Variants in USP47 observed in about 807,000 individuals in gnomAD.
USP47 encodes ubiquitin specific peptidase 47, also known as ubiquitin carboxyl-terminal hydrolase 47.
Under a neutral mutation model 165.1 loss-of-function variants are expected in USP47, and 35 were observed. That is an observed-to-expected ratio of 0.21 (90% CI 0.16 to 0.28). The LOEUF (loss-of-function observed/expected upper bound fraction) is 0.28. Among genes scored for constraint, USP47 ranks in the 10% least tolerant of loss-of-function variants. The probability of loss-of-function intolerance (pLI) is 1.00; values close to 1 mark genes in which losing one functional copy is unlikely to be tolerated. For synonymous variants in USP47, 531 were observed against 544.5 expected (o/e 0.98, Z 0.35); for missense variants, 1,277 against 1,607.4 (o/e 0.79, Z 3.52).
At chr11:11,948,746 G>A in intron 22 of USP47, 188 bp downstream of exon 22, 1 of 514,760 alleles carries the variant, frequency 1.9e-6, no homozygotes, top group East Asian at 3.0e-5. Flanking sequence ...AGCACAAGGA[G>A]CCATAGACAA....
chr11:11,930,584 A>G lies in USP47; in HGVS notation c.1596-112A>G, dbSNP rs778475535. On this transcript the variant is annotated intron_variant, in intron 13 of 27. Transcript: ENST00000527733. ...TCTCAGTGTGTCTGTGAACAGTGAC[A>G]TGATTTTCTAATTGTTTTTTAAAAA... The G allele has an allele frequency of 3.4e-4, 274 of 817,146 alleles. 1 individual carries two copies. The highest frequency in any genetic ancestry group is 4.8e-4 in the Non-Finnish European group (246 of 514,274). The allele number at this position is 817,146 out of a possible 1,614,324, so 50.6% of individuals were successfully genotyped here. A position where few individuals can be genotyped will look rare whatever the true frequency, so the allele number is the denominator to read the frequency against.
chr11:11,912,923 G>T (rs371364573), intron 8 of USP47, among the ~76,000 whole-genome samples: 1 of 151,944 alleles, frequency 6.6e-6, no homozygotes, highest in Non-Finnish European at 1.5e-5. Context: ...TGATCATATC[G>T]ATTTAGAAAA....
In USP47 at chr11:11,933,853, C is replaced by T; in HGVS notation, c.1787C>T (p.Pro596Leu). 6.2e-7 allele frequency: 1 copy of T among 1,608,216 alleles called. No homozygotes were observed. Among genetic ancestry groups the T allele is most frequent in the Non-Finnish European group, 8.5e-7 (1 of 1,176,024 alleles). Residue 596 changes from proline (P) to leucine (L), a missense_variant, in exon 16 of 28, where the codon CCT (proline) becomes CTT (leucine). Physicochemically the swap from Pro to Leu is moderately conservative, Grantham distance 98 (BLOSUM62 -3). Transcript: ENST00000527733. Reference protein sequence around the residue: ...TCKIKLFCLHPTKQVMMENKL... With the variant: ...TCKIKLFCLHLTKQVMMENKL... ...TAGATAAAATTATTCTGTTTGCATC[C>T]TACAAAACAAGTAATGATGGAAAAT... is the stretch of plus-strand genomic sequence containing the variant.
chr11:11,950,481 T>A lies in USP47; in HGVS notation c.3582T>A (p.Asp1194Glu). 1.9e-6 allele frequency: 3 copies of A among 1,588,944 alleles called. No individual in the cohort carries two copies. The highest frequency in any genetic ancestry group is 2.6e-6 in the Non-Finnish European group (3 of 1,164,488). The change falls in exon 24 of 28, where the codon GAT (aspartate) becomes GAA (glutamate). Residue 1194 changes from aspartate to glutamate, a missense_variant and splice_region_variant. By Grantham distance (45) the Asp-to-Glu change is conservative (BLOSUM62 2). Transcript: ENST00000527733. ...GGGAGGTTTTCCTTGAAGTTCTTGATGGTATTTTCAATATTTTTGGGGGGA... is the reference window on the plus strand; with the variant it reads ...GGGAGGTTTTCCTTGAAGTTCTTGAAGGTATTTTCAATATTTTTGGGGGGA... The part of the protein sequence containing the change: ...SNWEVFLEVL[D>E]GVEKMKSMSQ...
intron 3 of USP47, among the ~76,000 whole-genome samples, chr11:11,888,433 C>T (rs1206973668): frequency 6.6e-6 from 1 of 152,084 alleles, no homozygotes; most frequent in Non-Finnish European, 1.5e-5. Context: ...CTATAAACAT[C>T]TCTGTGCACA....
chr11:11,946,047 CAT>C (rs1855815524), intron 20 of USP47, among the ~76,000 whole-genome samples: 1 of 151,864 alleles, frequency 6.6e-6, no homozygotes, highest in South Asian at 2.1e-4. Flanking sequence ...TCTGTGAAGA[CAT>C]AGACTCTTCA....
intron 1 of USP47, among the ~76,000 whole-genome samples, chr11:11,878,133 T>C (rs1235261935): frequency 6.6e-6 from 1 of 152,106 alleles, no homozygotes; most frequent in Non-Finnish European, 1.5e-5. Flanking sequence ...AGGAGAGGCA[T>C]CTGGGGTGCT....
chr11:11,853,443 G>C (rs1320147396), intron 1 of USP47, among the ~76,000 whole-genome samples: 1 of 152,148 alleles, frequency 6.6e-6, no homozygotes, highest in Non-Finnish European at 1.5e-5. Context: ...GATTGTGCTT[G>C]GCAGTGATGG....
At chr11:11,905,587 C>T in intron 8 of USP47, 39 bp downstream of exon 8, 2 of 1,566,908 alleles carry the variant, frequency 1.3e-6, no homozygotes, top group Non-Finnish European at 1.7e-6. Context: ...TATCCTTACA[C>T]AGAATACATA....
rs1456094206 is a variant in USP47 at position 11,960,823 on chromosome 11, G to A, written c.*4648G>A. On this transcript the variant is annotated 3_prime_UTR_variant, in exon 28 of 28. Coordinates refer to ENST00000527733, the MANE Select transcript of USP47 (RefSeq NM_001282659.2). ...GTTGAATTGCATTTCTTGAGTATCT[G>A]GAGAGGATGTGCAGACCACAGGAAT... Among the ~76,000 whole-genome samples the A allele has an allele frequency of 1.3e-5, 2 of 152,158 alleles. No individual in the cohort carries two copies. The highest frequency in any genetic ancestry group is 4.8e-5 in the African/African-American group (2 of 41,418).
chr11:11,889,679 AT>A (rs1404115350), intron 3 of USP47, among the ~76,000 whole-genome samples: 1 of 152,192 alleles, frequency 6.6e-6, no homozygotes, highest in Non-Finnish European at 1.5e-5. Flanking sequence ...TACCATTGAC[AT>A]TCTTCACATA....
At chr11:11,929,930 A>T (rs1000795325) in intron 12 of USP47, 114 bp from the exon 13 acceptor site, 5 of 842,668 alleles carry the variant, frequency 5.9e-6, no homozygotes, top group Non-Finnish European at 9.5e-6. Context: ...TGTGTGAGCA[A>T]TCATGAAGGT....
At chr11:11,911,254 T>G (rs1406116059) in intron 8 of USP47, among the ~76,000 whole-genome samples, 1 of 152,152 alleles carries the variant, frequency 6.6e-6, no homozygotes. Flanking sequence ...GGTTTAGCAC[T>G]GTGTCATTGG....
chr11:11,936,383 G>A lies in USP47; in HGVS notation c.1950G>A (p.Arg650=). ...KYDEFHDYLE[R]SYEGEEDTPM... Reference sequence around the variant, plus strand: ...ATGAGTTTCATGATTATCTAGAACGGTCATATGAAGGAGAAGAAGATACAC... The same window carrying A: ...ATGAGTTTCATGATTATCTAGAACGATCATATGAAGGAGAAGAAGATACAC... Residue 650 remains arginine, a synonymous_variant, in exon 17 of 28, where the codon CGG becomes CGA. Transcript: ENST00000527733. 1 of 1,610,268 alleles carries A rather than the reference G, an allele frequency of 6.2e-7. No individual in the cohort carries two copies. The highest frequency in any genetic ancestry group is 8.5e-7 in the Non-Finnish European group (1 of 1,177,570).
chr11:11,883,839 A>C (rs1275948373), intron 2 of USP47, among the ~76,000 whole-genome samples: 3 of 152,198 alleles, frequency 2.0e-5, no homozygotes, highest in Non-Finnish European at 4.4e-5. Flanking sequence ...GTCTGATCAC[A>C]GTCACTTCCA....
At chr11:11,952,930 A>G (rs1856317795) in intron 25 of USP47, 59 bp downstream of exon 25, 1 of 1,149,822 alleles carries the variant, frequency 8.7e-7, no homozygotes, top group Non-Finnish European at 1.1e-6. Context: ...CATAATATTA[A>G]TAAAATATAT....
rs114495119 is a variant in USP47, at chr11:11,958,350, G to C, written c.*2175G>C. ...AGAAAATATATTTCATTATAGAAAA[G>C]AAAAAATTAAAAGCTTCTTGCTTTT... On this transcript the variant is annotated 3_prime_UTR_variant, in exon 28 of 28. Transcript: ENST00000527733. 6.8e-6 allele frequency: 1 copy of C among 146,614 alleles called. No homozygotes were observed. Among genetic ancestry groups the C allele is most frequent in the Non-Finnish European group, 1.5e-5 (1 of 67,418 alleles). The allele number at this position is 146,614 out of a possible 1,614,324, so 9.1% of individuals were successfully genotyped here. A position where few individuals can be genotyped will look rare whatever the true frequency, so the allele number is the denominator to read the frequency against.
In USP47 at chr11:11,936,443, A is replaced by G. The variant is rs763936873; in HGVS notation, c.2010A>G (p.Thr670=). 1.2e-6 allele frequency: 2 copies of G among 1,609,588 alleles called. No individual in the cohort carries two copies. Among genetic ancestry groups the G allele is most frequent in the African/African-American group, 1.3e-5 (1 of 74,698 alleles). ...TTCTACTAGGTGGCGTCAAGTCAAC[A>G]TATATGTTTGATCTGCTGTTGGAGA... ...MGLLLGGVKS[T]YMFDLLLETR... The change falls in exon 17 of 28, where the codon ACA becomes ACG. Residue 670 remains threonine, a synonymous_variant. Coordinates refer to ENST00000527733, the MANE Select transcript of USP47 (RefSeq NM_001282659.2).
Position 11,956,796 on chromosome 11 carries a change from G to A in USP47, c.*621G>A, listed in dbSNP as rs1055790783. The A allele has an allele frequency of 6.6e-6, 1 of 152,546 alleles. No homozygotes were observed. The highest frequency in any genetic ancestry group is 2.4e-5 in the African/African-American group (1 of 41,444). 9.4% of individuals were successfully genotyped at this position (152,546 alleles called of 1,614,324 possible). A position where few individuals can be genotyped will look rare whatever the true frequency, so the allele number is the denominator to read the frequency against. ...GAACATTATTCTGGAACATCAGAAC[G>A]TTTCCCTTAGACCGATCCCAGCAGG... On this transcript the variant is annotated 3_prime_UTR_variant, in exon 28 of 28. Coordinates refer to ENST00000527733, the MANE Select transcript of USP47 (RefSeq NM_001282659.2).
Sources: gnomAD v4.1 joint callset for allele counts (sites outside exome capture counted in the v4.1 genomes callset) on GRCh38, gnomAD v4.1.1 for gene constraint, MANE v1.5 for transcripts, NCBI Gene and HGNC (gene_info 2026-07-23, HGNC 2026-07-21) for gene names.